Variants in CSF2RA observed in about 807,000 individuals in gnomAD.
CSF2RA encodes the protein colony stimulating factor 2 receptor subunit alpha.
A neutral mutation model predicts 51.6 loss-of-function variants in CSF2RA; 42 were observed. That is an observed-to-expected ratio of 0.81 (90% CI 0.64 to 1.05). CSF2RA has a LOEUF of 1.05. Among genes scored for constraint, CSF2RA ranks in the 50% least tolerant of loss-of-function variants. The pLI is 0.00. For missense variants in CSF2RA, 530 were observed against 501.1 expected, an observed-to-expected ratio of 1.06 and a Z score of -0.55; for synonymous variants, 222 against 193.0, an observed-to-expected ratio of 1.15 and a Z score of -1.24.
Position 1,309,533 on chromosome X carries a change from A to G in CSF2RA, c.*54A>G. The G allele has an allele frequency of 6.2e-7, 1 of 1,613,892 alleles. No individual in the cohort carries two copies. The highest frequency in any genetic ancestry group is 2.2e-5 in the East Asian group (1 of 44,880). ...CATCTCCGCCTCCGCGACACGGGGG[A>G]ACTGTTTTCTTGATGATGCTGTGAA... is the stretch of plus-strand genomic sequence containing the variant. On this transcript the variant is annotated 3_prime_UTR_variant, in exon 13 of 13. Transcript: ENST00000381529.
rs149884748 is a variant in CSF2RA, at chrX:1,303,943, G to A, written c.967G>A (p.Gly323Ser). The A allele has an allele frequency of 6.3e-4, 1,013 of 1,613,516 alleles. 10 individuals are homozygous for A. In the East Asian group the frequency reaches 0.018, roughly 28 times the overall value. The change falls in exon 11 of 13, where the codon GGC (glycine) becomes AGC (serine). Residue 323 changes from glycine to serine, a missense_variant. Gly to Ser is a moderately conservative substitution (Grantham distance 56). Transcript: ENST00000381529. ...TCCAGGTTCTGACGACGGGAACCTC[G>A]GCTCTGTGTACATTTATGTGCTCCT... is the stretch of plus-strand genomic sequence containing the variant. ...IEFGSDDGNL[G>S]SVYIYVLLIV...
chrX:1,288,685 A>T, intron 5 of CSF2RA, 43 bp downstream of exon 5: 1 of 1,613,900 alleles, frequency 6.2e-7, no homozygotes, highest in Non-Finnish European at 8.5e-7. Flanking sequence ...CACTGGCCCC[A>T]CCACCCCGCC....
At chrX:1,305,641 G>A (rs187465902) in intron 12 of CSF2RA, 114 bp downstream of exon 12, 80 of 1,611,272 alleles carry the variant, frequency 5.0e-5, no homozygotes, top group South Asian at 9.9e-5. Flanking sequence ...GGACCGCAGC[G>A]TCACCACCGG....
At chrX:1,276,162 G>A (rs2089165205) in intron 2 of CSF2RA, among the ~76,000 whole-genome samples, 1 of 142,320 alleles carries the variant, frequency 7.0e-6, no homozygotes, top group Non-Finnish European at 1.5e-5. Context: ...CACCACGCCT[G>A]GCTAAATTTT....
In CSF2RA at chrX:1,302,078, G is replaced by A. The variant is rs371006132; in HGVS notation, c.946+1452G>A. Among the ~76,000 whole-genome samples, 87 of 151,080 alleles carry A rather than the reference G, an allele frequency of 5.8e-4. No individual in the cohort carries two copies. In the East Asian group the frequency reaches 0.015, roughly 25 times the overall value. Reference sequence around the variant, plus strand: ...ATTACAGGCGCCCGCCACCACACCCGGCTAATTTTGTATTTTTAGTAGAGA... The same window carrying A: ...ATTACAGGCGCCCGCCACCACACCCAGCTAATTTTGTATTTTTAGTAGAGA... On this transcript the variant is annotated intron_variant, in intron 10 of 12. Transcript: ENST00000381529.
chrX:1,275,716 G>A (rs1184657747), intron 2 of CSF2RA, among the ~76,000 whole-genome samples: 15 of 151,230 alleles, frequency 9.9e-5, no homozygotes, highest in Non-Finnish European at 2.1e-4. Flanking sequence ...CCACCACCAT[G>A]CCCAGCTAAT....
intron 1 of CSF2RA, among the ~76,000 whole-genome samples, chrX:1,271,136 G>A (rs767866205): frequency 7.5e-4 from 114 of 152,058 alleles, no homozygotes; most frequent in African/African-American, 2.2e-3. Context: ...CTTGTTGCGC[G>A]TTTTATAGGT....
At chrX:1,272,713 A>C (rs185188228) in intron 1 of CSF2RA, among the ~76,000 whole-genome samples, 10 of 145,036 alleles carry the variant, frequency 6.9e-5, no homozygotes, top group African/African-American at 2.3e-4. Context: ...CTGGTCTTGA[A>C]CTCCTGACCT....
the CSF2RA span, among the ~76,000 whole-genome samples, chrX:1,319,714 G>GTTTTTTTTTTTT: frequency 8.2e-6 from 1 of 121,316 alleles, no homozygotes; most frequent in African/African-American, 2.9e-5. Context: ...CGCCTTTGCT[G>GTTTTTTTTTTTT]TTTTTTTTTT....
At chrX:1,271,977 G>A (rs1273985873) in intron 1 of CSF2RA, among the ~76,000 whole-genome samples, 2 of 144,742 alleles carry the variant, frequency 1.4e-5, no homozygotes, top group African/African-American at 5.1e-5. Flanking sequence ...TTTTTGAGAC[G>A]GAGTCTCGCT....
At chrX:1,300,449 C>T (rs2092293679) in intron 9 of CSF2RA, 42 bp from the exon 10 acceptor site, 1 of 1,613,090 alleles carries the variant, frequency 6.2e-7, no homozygotes. Flanking sequence ...TTTTCCTCCA[C>T]ACAGAAGACG....
rs2083817244 is a variant in CSF2RA at position 1,307,870 on chromosome X, TC to T, written c.1126-1531del. ...TGACTGATTAGATGAGGCCTACCCT[TC>T]TCCCTTTAGACCTTTGACTGATTAG... is the stretch of plus-strand genomic sequence containing the variant. On this transcript the variant is annotated intron_variant, in intron 12 of 12. Coordinates refer to ENST00000381529, the MANE Select transcript of CSF2RA (RefSeq NM_172245.4). Among the ~76,000 whole-genome samples, 4 of 118,854 alleles carry T rather than the reference TC, an allele frequency of 3.4e-5. 1 individual carries two copies. Among genetic ancestry groups the T allele is most frequent in the East Asian group, 2.3e-4 (1 of 4,294 alleles). 78.0% of individuals were successfully genotyped at this position (118,854 alleles called of 152,430 possible). A position where few individuals can be genotyped will look rare whatever the true frequency, so the allele number is the denominator to read the frequency against.
At chrX:1,294,257 C>T in intron 7 of CSF2RA, 71 bp from the exon 8 acceptor site, 10 of 1,588,616 alleles carry the variant, frequency 6.3e-6, no homozygotes, top group Non-Finnish European at 8.6e-6. Flanking sequence ...AGACTCTGCA[C>T]CACCTCCACC....
downstream of CSF2RA, among the ~76,000 whole-genome samples, chrX:1,313,669 G>C (rs1387740520): frequency 2.0e-5 from 3 of 151,576 alleles, no homozygotes; most frequent in African/African-American, 7.3e-5. Flanking sequence ...CCAAGATCAC[G>C]CCATTGCACT....
chrX:1,294,518 G>A (rs1196730065), intron 8 of CSF2RA, 57 bp downstream of exon 8: 36 of 1,606,566 alleles, frequency 2.2e-5, no homozygotes, highest in Admixed American at 1.7e-4. Flanking sequence ...GGACACGCCC[G>A]CACAGGAGCC....
chrX:1,274,136 C>T (rs1459582098), intron 1 of CSF2RA, among the ~76,000 whole-genome samples: 1 of 151,976 alleles, frequency 6.6e-6, no homozygotes, highest in Non-Finnish European at 1.5e-5. Flanking sequence ...AAAGATGTTG[C>T]ATAATTTTCC....
At chrX:1,277,141 G>A (rs1319057753) in intron 2 of CSF2RA, among the ~76,000 whole-genome samples, 1 of 151,946 alleles carries the variant, frequency 6.6e-6, no homozygotes, top group Non-Finnish European at 1.5e-5. Context: ...AGAAGACAGG[G>A]AAAAGAGGTG....
At chrX:1,318,545 C>A in the CSF2RA span, among the ~76,000 whole-genome samples, 1 of 152,130 alleles carries the variant, frequency 6.6e-6, no homozygotes, top group Non-Finnish European at 1.5e-5. Flanking sequence ...TTGCCCCACT[C>A]CCCCTGAGCC....
chrX:1,300,651 A>T (rs750845369), intron 10 of CSF2RA, 25 bp downstream of exon 10: 10 of 1,613,706 alleles, frequency 6.2e-6, no homozygotes, highest in African/African-American at 4.0e-5. Flanking sequence ...GAGGTAAGGG[A>T]TGTTTGTGCC....
Sources: gnomAD v4.1 joint callset for allele counts (sites outside exome capture counted in the v4.1 genomes callset) on GRCh38, gnomAD v4.1.1 for gene constraint, MANE v1.5 for transcripts, NCBI Gene and HGNC (gene_info 2026-07-23, HGNC 2026-07-21) for gene names.